The following MUSK variants were observed in gnomAD, a reference collection of about 807,000 sequenced individuals.
MUSK encodes muscle, skeletal receptor tyrosine-protein kinase.
A neutral mutation model predicts 88.7 loss-of-function variants in MUSK; 55 were observed. The ratio of observed to expected loss-of-function variants is 0.62; its 90% confidence interval spans 0.50 to 0.78. The LOEUF is 0.78. MUSK is among the 30% of genes least tolerant of loss of function. The probability of loss-of-function intolerance (pLI) is 0.00; values close to 1 mark genes in which losing one functional copy is unlikely to be tolerated. For missense variants in MUSK, 1,015 were observed against 1,074.3 expected (o/e 0.94, Z 0.77); for synonymous variants, 387 against 391.9 (o/e 0.99, Z 0.15).
intron 14 of MUSK, among the ~76,000 whole-genome samples, chr9:110,797,160 C>CA (rs2078017727): frequency 1.9e-5 from 1 of 52,750 alleles, no homozygotes; most frequent in Non-Finnish European, 3.5e-5. Flanking sequence ...TGCATGAATA[C>CA]CCAAAAAAAA....
At chr9:110,691,848 T>C (rs1292513907) in intron 3 of MUSK, among the ~76,000 whole-genome samples, 1 of 152,148 alleles carries the variant, frequency 6.6e-6, no homozygotes, top group African/African-American at 2.4e-5. Context: ...TTTCCTGAAT[T>C]TGTGCACGAT....
chr9:110,723,774 T>C (rs1317736402), intron 5 of MUSK, among the ~76,000 whole-genome samples: 30 of 152,038 alleles, frequency 2.0e-4, no homozygotes, highest in Non-Finnish European at 2.9e-5. Flanking sequence ...AGTGATTCAA[T>C]GAATTTCGAG....
chr9:110,696,477 T>C (rs1382794264), intron 4 of MUSK, among the ~76,000 whole-genome samples: 1 of 152,188 alleles, frequency 6.6e-6, no homozygotes, highest in East Asian at 1.9e-4. Flanking sequence ...TTTATGTCAA[T>C]TAACTGAACT....
At chr9:110,699,877 T>C (rs903967699) in intron 5 of MUSK, among the ~76,000 whole-genome samples, 3 of 152,150 alleles carry the variant, frequency 2.0e-5, no homozygotes, top group Admixed American at 6.5e-5. Flanking sequence ...CAGGAAAAGA[T>C]AGAGTTTTGT....
At chr9:110,741,118 G>A (rs962167977) in intron 6 of MUSK, among the ~76,000 whole-genome samples, 11 of 152,050 alleles carry the variant, frequency 7.2e-5, no homozygotes, top group Non-Finnish European at 1.0e-4. Context: ...TTTGCTAAGA[G>A]GGTAGATCCT....
chr9:110,712,877 G>A (rs1312696595), intron 5 of MUSK, among the ~76,000 whole-genome samples: 1 of 152,186 alleles, frequency 6.6e-6, no homozygotes, highest in Admixed American at 6.5e-5. Flanking sequence ...CAGTGAGGAA[G>A]ATGGATATGC....
At position 110,771,828 on chromosome 9, in the gene MUSK, C is replaced by A. The variant is rs78729065; in HGVS notation, c.1184+3745C>A. 9.1e-3 allele frequency among the ~76,000 whole-genome samples: 1,388 copies of A among 152,208 alleles called. 6 individuals carry two copies. Among genetic ancestry groups the A allele is most frequent in the Non-Finnish European group, 0.012 (816 of 67,988 alleles). On this transcript the variant is annotated intron_variant, in intron 9 of 14. Coordinates refer to ENST00000374448, the MANE Select transcript of MUSK (RefSeq NM_005592.4). Reference sequence around the variant, plus strand: ...CAAAGGATCAACCAAATAATTTATTCCTGCAATTTGTAGTTTATTCCAATT... The same window carrying A: ...CAAAGGATCAACCAAATAATTTATTACTGCAATTTGTAGTTTATTCCAATT...
chr9:110,731,205 C>T (rs917415775), intron 5 of MUSK, among the ~76,000 whole-genome samples: 4 of 152,170 alleles, frequency 2.6e-5, no homozygotes, highest in South Asian at 2.1e-4. Context: ...TAGATTGTAT[C>T]AGTCAGCTCA....
At chr9:110,712,347 C>T (rs566481396) in intron 5 of MUSK, among the ~76,000 whole-genome samples, 1 of 152,144 alleles carries the variant, frequency 6.6e-6, no homozygotes, top group East Asian at 1.9e-4. Flanking sequence ...CCAAACCATC[C>T]AGAGGTTTTC....
rs1454091398 is a variant in MUSK at position 110,804,014 on chromosome 9, A to T, written c.*3026A>T. 1.3e-5 allele frequency among the ~76,000 whole-genome samples: 2 copies of T among 152,160 alleles called. No homozygotes were observed. The highest frequency in any genetic ancestry group is 1.3e-4 in the Admixed American group (2 of 15,276). ...TATTTTTCACATGACACCCAAAAAC[A>T]TATTCTCTGCTATCGTGGTAGAGCA... is the stretch of plus-strand genomic sequence containing the variant. On this transcript the variant is annotated 3_prime_UTR_variant, in exon 15 of 15. Coordinates refer to ENST00000374448, the MANE Select transcript of MUSK (RefSeq NM_005592.4).
At chr9:110,690,121 T>C (rs1322223033) in intron 3 of MUSK, among the ~76,000 whole-genome samples, 2 of 71,874 alleles carry the variant, frequency 2.8e-5, no homozygotes, top group Non-Finnish European at 4.8e-5. Flanking sequence ...AAATATATAT[T>C]ATATAAGTAT....
intron 5 of MUSK, among the ~76,000 whole-genome samples, chr9:110,699,107 G>T (rs562770087): frequency 6.6e-6 from 1 of 152,074 alleles, no homozygotes; most frequent in Admixed American, 6.6e-5. Context: ...AATTATCACC[G>T]AACTCCATTA....
At chr9:110,787,230 C>T (rs1052006069) in intron 13 of MUSK, among the ~76,000 whole-genome samples, 5 of 151,596 alleles carry the variant, frequency 3.3e-5, no homozygotes, top group Non-Finnish European at 7.4e-5. Context: ...GGTGTGGTGG[C>T]GGGTGCCTGT....
At chr9:110,781,443 A>AT (rs2077756615) in intron 11 of MUSK, among the ~76,000 whole-genome samples, 1 of 151,838 alleles carries the variant, frequency 6.6e-6, no homozygotes, top group South Asian at 2.1e-4. Flanking sequence ...TGCCCAGCTA[A>AT]TTTTTTGTAT....
At chr9:110,742,872 A>G (rs2077122294) in intron 6 of MUSK, among the ~76,000 whole-genome samples, 1 of 152,208 alleles carries the variant, frequency 6.6e-6, no homozygotes, top group East Asian at 1.9e-4. Flanking sequence ...TGGTAATTCT[A>G]CCCAAGTCTG....
chr9:110,787,361 C>CAAAAAA (rs10659550), intron 13 of MUSK, among the ~76,000 whole-genome samples: 1 of 91,432 alleles, frequency 1.1e-5, no homozygotes, highest in Non-Finnish European at 2.1e-5. Context: ...GACTCTGTCT[C>CAAAAAA]AAAAAAAAAA....
intron 7 of MUSK, among the ~76,000 whole-genome samples, chr9:110,751,889 T>A (rs1241424857): frequency 6.6e-6 from 1 of 152,088 alleles, no homozygotes; most frequent in Non-Finnish European, 1.5e-5. Context: ...AGTAAAGAAA[T>A]GAGAGTTGTT....
chr9:110,689,510 T>A (rs1305504872), intron 3 of MUSK, among the ~76,000 whole-genome samples: 4 of 83,212 alleles, frequency 4.8e-5, no homozygotes, highest in Non-Finnish European at 8.2e-5. Context: ...CATATTTATA[T>A]ATAAATATAT....
rs549000887 is a variant in MUSK, at chr9:110,687,633, G to A, written c.358+365G>A. ...TACAGGCGTGAGCCACTGTGCCCCC[G>A]CTGACTTGGTACACTTTAAAACAGT... On this transcript the variant is annotated intron_variant, in intron 3 of 14. Transcript: ENST00000374448. 2.6e-5 allele frequency among the ~76,000 whole-genome samples: 4 copies of A among 152,090 alleles called. No homozygotes were observed. The East Asian group carries it at 5.8e-4, about 22-fold the overall frequency.
Sources: gnomAD v4.1 joint callset for allele counts (sites outside exome capture counted in the v4.1 genomes callset) on GRCh38, gnomAD v4.1.1 for gene constraint, MANE v1.5 for transcripts, NCBI Gene and HGNC (gene_info 2026-07-23, HGNC 2026-07-21) for gene names.